The following ALK variants were observed in gnomAD, a reference collection of about 807,000 sequenced individuals.
The protein encoded by ALK is ALK tyrosine kinase receptor.
ALK carries 74 observed loss-of-function variants against 163.1 expected under a neutral mutation model. The observed-to-expected ratio is 0.45, with a 90% CI of 0.38 to 0.55. ALK has a LOEUF of 0.55. ALK is among the 20% of genes least tolerant of loss of function. ALK has a pLI of 0.00. For synonymous variants in ALK, 960 were observed against 843.2 expected (o/e 1.14, Z -2.40); for missense variants, 2,063 against 2,105.3 (o/e 0.98, Z 0.39).
intron 4 of ALK, among the ~76,000 whole-genome samples, chr2:29,391,755 C>T (rs1381306629): frequency 6.6e-6 from 1 of 152,124 alleles, no homozygotes; most frequent in Non-Finnish European, 1.5e-5. Context: ...AATTAAGCAG[C>T]CAGACTTTTA....
At chr2:29,220,440 A>G (rs1173226757) in intron 23 of ALK, among the ~76,000 whole-genome samples, 2 of 152,178 alleles carry the variant, frequency 1.3e-5, no homozygotes, top group Admixed American at 6.5e-5. Flanking sequence ...AGAGTCAGGT[A>G]GTTCTTATAT....
chr2:29,747,491 G>A (rs1405585739), intron 1 of ALK, among the ~76,000 whole-genome samples: 1 of 152,228 alleles, frequency 6.6e-6, no homozygotes, highest in Non-Finnish European at 1.5e-5. Flanking sequence ...GACAGGAGGA[G>A]AGCATCTCTT....
chr2:29,552,160 A>C (rs1320216704), intron 3 of ALK, among the ~76,000 whole-genome samples: 3 of 152,306 alleles, frequency 2.0e-5, no homozygotes, highest in African/African-American at 7.2e-5. Context: ...CAATGTTTTC[A>C]AGTTCATCTA....
At chr2:29,805,392 T>C (rs1477629468) in intron 1 of ALK, among the ~76,000 whole-genome samples, 2 of 152,220 alleles carry the variant, frequency 1.3e-5, no homozygotes, top group African/African-American at 4.8e-5. Context: ...ATTTGTTACA[T>C]GGCATACATA....
At chr2:29,292,541 AG>A (rs1666060414) in intron 9 of ALK, among the ~76,000 whole-genome samples, 1 of 152,114 alleles carries the variant, frequency 6.6e-6, no homozygotes, top group African/African-American at 2.4e-5. Context: ...AAGTGGGGAG[AG>A]GATGAGGAAA....
At chr2:29,826,269 G>GCA (rs1486723623) in intron 1 of ALK, among the ~76,000 whole-genome samples, 93 of 152,124 alleles carry the variant, frequency 6.1e-4, no homozygotes, top group African/African-American at 2.1e-3. Context: ...GAAAGAGTGT[G>GCA]CCTGTGATTT....
chr2:29,554,606 C>T (rs7419268), intron 3 of ALK, among the ~76,000 whole-genome samples: 68,634 of 151,990 alleles, frequency 0.45, 16,675 homozygotes, highest in Non-Finnish European at 0.55. Flanking sequence ...CAATGTTGGG[C>T]CTATTGTTTC....
chr2:29,865,818 C>T (rs933150296), intron 1 of ALK, among the ~76,000 whole-genome samples: 1 of 152,148 alleles, frequency 6.6e-6, no homozygotes, highest in Admixed American at 6.5e-5. Flanking sequence ...AACAGAAGTA[C>T]TTATTATTGT....
intron 4 of ALK, among the ~76,000 whole-genome samples, chr2:29,409,279 C>T (rs530316438): frequency 5.3e-5 from 8 of 152,262 alleles, no homozygotes; most frequent in African/African-American, 1.7e-4. Flanking sequence ...ATTTACCCAG[C>T]GAGAAGAGAG....
chr2:29,768,284 T>C (rs1004046935), intron 1 of ALK, among the ~76,000 whole-genome samples: 3 of 152,174 alleles, frequency 2.0e-5, no homozygotes, highest in African/African-American at 7.2e-5. Flanking sequence ...GAATTCTGGG[T>C]AAACGGGGGC....
chr2:29,226,819 CA>C, intron 18 of ALK, 102 bp downstream of exon 18: 2 of 1,487,290 alleles, frequency 1.3e-6, no homozygotes, highest in South Asian at 2.3e-5. Context: ...AGAAAGTTTA[CA>C]AAACCGAATC....
intron 11 of ALK, among the ~76,000 whole-genome samples, chr2:29,273,855 TG>T (rs1337634441): frequency 6.6e-6 from 1 of 152,124 alleles, no homozygotes; most frequent in Non-Finnish European, 1.5e-5. Context: ...TCACTGGGCC[TG>T]GGGGGTAGGG....
chr2:29,637,700 C>A, intron 3 of ALK, among the ~76,000 whole-genome samples: 1 of 70,094 alleles, frequency 1.4e-5, no homozygotes, highest in African/African-American at 1.1e-4. Flanking sequence ...CAGAGCAAGA[C>A]TCCGTCTCCA....
At chr2:29,839,888 C>T (rs1445876820) in intron 1 of ALK, among the ~76,000 whole-genome samples, 1 of 152,136 alleles carries the variant, frequency 6.6e-6, no homozygotes, top group African/African-American at 2.4e-5. Flanking sequence ...CTACACACTA[C>T]TCATAGTGCT....
chr2:29,863,021 AGTCT>A (rs1394463949), intron 1 of ALK, among the ~76,000 whole-genome samples: 1 of 152,206 alleles, frequency 6.6e-6, no homozygotes, highest in Non-Finnish European at 1.5e-5. Context: ...GGAAAAGGAT[AGTCT>A]GTCTAAGAAA....
At chr2:29,573,685 C>A (rs1386247423) in intron 3 of ALK, among the ~76,000 whole-genome samples, 2 of 152,156 alleles carry the variant, frequency 1.3e-5, no homozygotes, top group African/African-American at 4.8e-5. Flanking sequence ...GCGTGCGGGC[C>A]ACAAAACCTA....
At chr2:29,643,028 C>T (rs1196683575) in intron 3 of ALK, among the ~76,000 whole-genome samples, 2 of 152,010 alleles carry the variant, frequency 1.3e-5, no homozygotes, top group Non-Finnish European at 2.9e-5. Flanking sequence ...ATAATAATAA[C>T]ACCTAATAGA....
intron 3 of ALK, among the ~76,000 whole-genome samples, chr2:29,542,360 T>A (rs1217781796): frequency 6.6e-6 from 1 of 152,198 alleles, no homozygotes; most frequent in South Asian, 2.1e-4. Flanking sequence ...TTTCCTCTTT[T>A]AATTTGTATC....
At chr2:29,311,197 C>G (rs1666685238) in intron 8 of ALK, among the ~76,000 whole-genome samples, 1 of 152,184 alleles carries the variant, frequency 6.6e-6, no homozygotes. Context: ...TGAGGGGCAA[C>G]CATAGTTGAA....
Sources: gnomAD v4.1 joint callset for allele counts (sites outside exome capture counted in the v4.1 genomes callset) on GRCh38, gnomAD v4.1.1 for gene constraint, MANE v1.5 for transcripts, NCBI Gene and HGNC (gene_info 2026-07-23, HGNC 2026-07-21) for gene names.